The following C1orf146 variants were observed in gnomAD, a reference collection of about 807,000 sequenced individuals.
C1orf146 encodes protein SPO16 homolog.
In C1orf146, 22 loss-of-function variants were observed where a neutral mutation model predicts 23.0. The observed-to-expected ratio is 0.96, with a 90% CI of 0.68 to 1.36. C1orf146 has a LOEUF of 1.36. Ranked by LOEUF, C1orf146 falls within the 40% of genes most tolerant of loss-of-function variation. C1orf146 has a pLI of 0.00. For synonymous variants in C1orf146, 59 were observed against 65.3 expected, an observed-to-expected ratio of 0.90 and a Z score of 0.47; for missense variants, 199 against 206.8, an observed-to-expected ratio of 0.96 and a Z score of 0.23.
At chr1:92,235,308 C>T (rs543211425) in intron 2 of C1orf146, among the ~76,000 whole-genome samples, 2,221 of 152,066 alleles carry the variant, frequency 0.015, 50 homozygotes, top group African/African-American at 0.048. Flanking sequence ...TGGTATGTTG[C>T]GTCTTTGTTC....
In C1orf146 at chr1:92,226,252, T is replaced by G. The variant is rs566934497; in HGVS notation, c.-39-5130T>G. On this transcript the variant is annotated intron_variant, in intron 1 of 5. Coordinates refer to ENST00000370375, the MANE Select transcript of C1orf146 (RefSeq NM_001012425.2). ...GATTCCTCTGACTTCTAAATTTTTT[T>G]TGTTATTTTCTTAGTACTTTCTCTG... is the stretch of plus-strand genomic sequence containing the variant. Among the ~76,000 whole-genome samples the G allele has an allele frequency of 4.6e-5, 7 of 152,324 alleles. No homozygotes were observed. The East Asian group carries it at 1.3e-3, about 29-fold the overall frequency.
At chr1:92,235,054 A>C (rs1462432850) in intron 2 of C1orf146, among the ~76,000 whole-genome samples, 2 of 152,064 alleles carry the variant, frequency 1.3e-5, no homozygotes, top group African/African-American at 4.8e-5. Context: ...TCCTTTCAAA[A>C]AACCAGCTCC....
At chr1:92,229,603 A>G (rs1020292661) in intron 1 of C1orf146, among the ~76,000 whole-genome samples, 2 of 152,228 alleles carry the variant, frequency 1.3e-5, no homozygotes, top group Non-Finnish European at 2.9e-5. Flanking sequence ...CAGCAAGAAC[A>G]AGATGGCTGC....
At chr1:92,229,585 C>T in intron 1 of C1orf146, 2 of 301,612 alleles carry the variant, frequency 6.6e-6, no homozygotes, top group South Asian at 6.1e-5. Flanking sequence ...TCTTCCAACT[C>T]CAGTGTGCAG....
chr1:92,219,721 C>G (rs1206412684), intron 1 of C1orf146, among the ~76,000 whole-genome samples: 2 of 151,958 alleles, frequency 1.3e-5, no homozygotes, highest in African/African-American at 4.8e-5. Flanking sequence ...CAGGTGCAAA[C>G]ATAATGCACT....
intron 3 of C1orf146, among the ~76,000 whole-genome samples, chr1:92,243,564 C>T (rs1165524839): frequency 1.3e-5 from 2 of 152,158 alleles, no homozygotes; most frequent in Non-Finnish European, 2.9e-5. Flanking sequence ...TCAGGCTGGT[C>T]TCGAACTCCT....
chr1:92,219,880 C>T (rs1651778992), intron 1 of C1orf146, among the ~76,000 whole-genome samples: 1 of 152,126 alleles, frequency 6.6e-6, no homozygotes, highest in African/African-American at 2.4e-5. Context: ...TTATTCTGCA[C>T]AGATTTGTCT....
At chr1:92,238,656 T>TAG (rs1652354918) in intron 2 of C1orf146, among the ~76,000 whole-genome samples, 1 of 152,188 alleles carries the variant, frequency 6.6e-6, no homozygotes, top group African/African-American at 2.4e-5. Flanking sequence ...CTCCTCCTCC[T>TAG]CCTGATAAAA....
At chr1:92,233,694 C>T (rs1490585528) in intron 2 of C1orf146, among the ~76,000 whole-genome samples, 2 of 152,070 alleles carry the variant, frequency 1.3e-5, no homozygotes, top group Non-Finnish European at 1.5e-5. Context: ...TATAAATTAC[C>T]TTGGGCAGTA....
chr1:92,227,324 C>T (rs748999827), intron 1 of C1orf146, among the ~76,000 whole-genome samples: 20 of 151,990 alleles, frequency 1.3e-4, no homozygotes, highest in African/African-American at 4.6e-4. Flanking sequence ...GGGCGGATCA[C>T]GAAGTCAGGA....
Position 92,231,489 on chromosome 1 carries a change from A to G in C1orf146, c.66+3A>G, listed in dbSNP as rs1456841656. ...TTATTATTAGCTCATCTCTTAAGGT[A>G]AAGGGGCATTTGGGCCACTGATCTT... On this transcript the variant is annotated splice_donor_region_variant and intron_variant, in intron 2 of 5. Coordinates refer to ENST00000370375, the MANE Select transcript of C1orf146 (RefSeq NM_001012425.2). 6.3e-7 allele frequency: 1 copy of G among 1,597,538 alleles called. No homozygotes were observed. Among genetic ancestry groups the G allele is most frequent in the African/African-American group, 1.3e-5 (1 of 74,116 alleles).
chr1:92,244,952 T>C, intron 5 of C1orf146, 95 bp downstream of exon 5: 1 of 724,372 alleles, frequency 1.4e-6, no homozygotes, highest in East Asian at 2.7e-5. Flanking sequence ...GCAAATATCA[T>C]GCTTCTGTTC....
intron 1 of C1orf146, among the ~76,000 whole-genome samples, chr1:92,228,360 G>A (rs1444563302): frequency 1.3e-5 from 2 of 152,094 alleles, no homozygotes; most frequent in Non-Finnish European, 1.5e-5. Flanking sequence ...ATTACAGTCA[G>A]CTTTTTCCTC....
chr1:92,237,545 C>T (rs1652326126), intron 2 of C1orf146, among the ~76,000 whole-genome samples: 1 of 152,200 alleles, frequency 6.6e-6, no homozygotes, highest in Non-Finnish European at 1.5e-5. Flanking sequence ...TTAGGCTGCT[C>T]AGGGGTCAGG....
At chr1:92,236,358 T>C (rs1158857255) in intron 2 of C1orf146, among the ~76,000 whole-genome samples, 1 of 152,156 alleles carries the variant, frequency 6.6e-6, no homozygotes, top group Non-Finnish European at 1.5e-5. Context: ...TATTTCTCCT[T>C]CACTTATGAA....
intron 1 of C1orf146, among the ~76,000 whole-genome samples, chr1:92,219,392 C>G (rs988206326): frequency 1.3e-5 from 2 of 149,396 alleles, no homozygotes; most frequent in African/African-American, 4.9e-5. Context: ...CAGCTGGTTT[C>G]AACTCAGCAG....
chr1:92,231,067 A>G (rs1652109059), intron 1 of C1orf146, among the ~76,000 whole-genome samples: 1 of 152,192 alleles, frequency 6.6e-6, no homozygotes, highest in African/African-American at 2.4e-5. Flanking sequence ...TTATCTGTAT[A>G]AGTGAAACTC....
intron 2 of C1orf146, among the ~76,000 whole-genome samples, chr1:92,233,866 G>A (rs1016000017): frequency 1.3e-5 from 2 of 152,086 alleles, no homozygotes; most frequent in Non-Finnish European, 1.5e-5. Flanking sequence ...TATTCTCTTT[G>A]TAGCAATTGT....
chr1:92,229,377 A>G, intron 1 of C1orf146: 1 of 543,114 alleles, frequency 1.8e-6, no homozygotes, highest in South Asian at 1.4e-5. Flanking sequence ...CGGACACCGG[A>G]ACCGTTCGTT....
Sources: allele counts gnomAD v4.1 joint callset (sites outside exome capture counted in the v4.1 genomes callset), GRCh38; gene constraint gnomAD v4.1.1; transcripts MANE v1.5; gene names NCBI Gene and HGNC (gene_info 2026-07-23, HGNC 2026-07-21).